ADCY2: variants seen among roughly 807,000 people sequenced by gnomAD.
ADCY2 encodes adenylate cyclase type 2.
A neutral mutation model predicts 125.2 loss-of-function variants in ADCY2; 31 were observed. The ratio of observed to expected loss-of-function variants is 0.25; its 90% CI spans 0.19 to 0.33. The LOEUF (loss-of-function observed/expected upper bound fraction) is 0.33, where lower values mean the gene tolerates loss of function less well. Among genes scored for constraint, ADCY2 ranks in the 10% least tolerant of loss-of-function variants. The probability of loss-of-function intolerance (pLI) is 1.00; values close to 1 mark genes in which losing one functional copy is unlikely to be tolerated. For missense variants in ADCY2, 904 were observed against 1,418.2 expected (o/e 0.64, Z 5.82); for synonymous variants, 512 against 548.4 (o/e 0.93, Z 0.93).
At chr5:7,739,997 G>T (rs1742363828) in intron 14 of ADCY2, among the ~76,000 whole-genome samples, 1 of 151,932 alleles carries the variant, frequency 6.6e-6, no homozygotes, top group African/African-American at 2.4e-5. Context: ...AAGATAGAAA[G>T]AATTGGTCAA....
intron 2 of ADCY2, among the ~76,000 whole-genome samples, chr5:7,518,259 C>A (rs918423624): frequency 5.3e-5 from 8 of 152,086 alleles, no homozygotes; most frequent in African/African-American, 1.7e-4. Context: ...GATTTTGGGG[C>A]TAGAACTCAT....
chr5:7,647,526 A>C (rs1738942439), intron 4 of ADCY2, among the ~76,000 whole-genome samples: 1 of 152,126 alleles, frequency 6.6e-6, no homozygotes, highest in Non-Finnish European at 1.5e-5. Context: ...ATGGTTTTGC[A>C]CCAAAATTCA....
intron 3 of ADCY2, among the ~76,000 whole-genome samples, chr5:7,541,900 T>G (rs746275643): frequency 6.6e-6 from 1 of 152,248 alleles, no homozygotes; most frequent in East Asian, 1.9e-4. Flanking sequence ...ATGTTGTTAC[T>G]ATGAAATGCA....
intron 10 of ADCY2, 81 bp from the exon 11 acceptor site, chr5:7,712,775 A>T (rs1290203125): frequency 2.1e-6 from 2 of 970,762 alleles, no homozygotes; most frequent in Non-Finnish European, 3.3e-6. Context: ...ATAAAAGAGG[A>T]AATATGTTTC....
Position 7,826,845 on chromosome 5 carries a change from C to G in ADCY2, c.3250C>G (p.Leu1084Val). Residue 1084 changes from leucine to valine, a missense_variant, in exon 25 of 25, where the codon CTT (leucine) becomes GTT (valine). Leu to Val is a conservative substitution (Grantham distance 32, BLOSUM62 1). Around this residue, in one of 7 missense-constraint regions of ADCY2, gnomAD observed 181 missense variants for 381.6 expected, o/e 0.47. Transcript: ENST00000338316. ...YFVNTEMSRS[L>V]SQSNVAS ...TGTAAACACAGAAATGTCAAGGTCC[C>G]TTTCCCAGAGCAACGTGGCATCCTG... 6.2e-7 allele frequency: 1 copy of G among 1,611,458 alleles called. No individual in the cohort carries two copies. Among genetic ancestry groups the G allele is most frequent in the South Asian group, 1.1e-5 (1 of 90,324 alleles).
intron 3 of ADCY2, among the ~76,000 whole-genome samples, chr5:7,565,426 A>T (rs1007265195): frequency 1.3e-5 from 2 of 152,210 alleles, no homozygotes; most frequent in African/African-American, 2.4e-5. Context: ...ACCCTTGGTT[A>T]TAATAATTTT....
At chr5:7,614,306 G>T (rs1180692788) in intron 3 of ADCY2, among the ~76,000 whole-genome samples, 2 of 152,128 alleles carry the variant, frequency 1.3e-5, no homozygotes, top group African/African-American at 4.8e-5. Context: ...TATCCCCTCT[G>T]AGTGGCCCAT....
In ADCY2 at chr5:7,423,144, T is replaced by A. The variant is rs1740272733; in HGVS notation, c.408+8374T>A. 2.6e-5 allele frequency among the ~76,000 whole-genome samples: 4 copies of A among 152,086 alleles called. No individual in the cohort carries two copies. In the South Asian group the frequency reaches 8.3e-4, roughly 32 times the overall value. ...CATTAACAATAAAGAGGAGGATATG[T>A]TTTTGTTGTTTAATAACCACACCTA... On this transcript the variant is annotated intron_variant, in intron 2 of 24. Transcript: ENST00000338316.
intron 15 of ADCY2, chr5:7,746,116 C>T (rs1222344863): frequency 6.6e-6 from 1 of 152,486 alleles, no homozygotes; most frequent in Non-Finnish European, 1.5e-5. Context: ...AGGACCCTGG[C>T]CTCCACAGGC....
At chr5:7,656,157 C>T (rs565023746) in intron 4 of ADCY2, among the ~76,000 whole-genome samples, 3 of 150,960 alleles carry the variant, frequency 2.0e-5, no homozygotes, top group South Asian at 2.1e-4. Flanking sequence ...CGGGTTCAAG[C>T]GATTATCCTG....
Position 7,683,955 on chromosome 5 carries a change from C to T in ADCY2, c.721-6736C>T, listed in dbSNP as rs143098283. ...AGAAATCCAAAGGCTGGCGCCACCA[C>T]CTGGCTGGCCTTCTGTACCTTATGT... is the stretch of plus-strand genomic sequence containing the variant. On this transcript the variant is annotated intron_variant, in intron 4 of 24. Transcript: ENST00000338316. Among the ~76,000 whole-genome samples the T allele has an allele frequency of 1.1e-4, 16 of 152,352 alleles. No individual in the cohort carries two copies. In the East Asian group the frequency reaches 2.5e-3, roughly 24 times the overall value.
At chr5:7,570,380 C>CT (rs1375014024) in intron 3 of ADCY2, among the ~76,000 whole-genome samples, 1 of 151,954 alleles carries the variant, frequency 6.6e-6, no homozygotes, top group East Asian at 1.9e-4. Flanking sequence ...GTTTAAAAAC[C>CT]TTTTTTTCTT....
intron 2 of ADCY2, among the ~76,000 whole-genome samples, chr5:7,486,820 A>C (rs1048467820): frequency 4.6e-5 from 7 of 152,214 alleles, no homozygotes; most frequent in Admixed American, 2.0e-4. Context: ...ATGTGAGCTA[A>C]AATTGAGACA....
intron 13 of ADCY2, among the ~76,000 whole-genome samples, chr5:7,726,736 A>G (rs1242181240): frequency 1.3e-5 from 2 of 152,186 alleles, no homozygotes; most frequent in East Asian, 3.9e-4. Context: ...ATAAATGAAT[A>G]TGTCTTGCAT....
intron 20 of ADCY2, chr5:7,801,375 G>A (rs1744589095): frequency 6.6e-6 from 1 of 152,186 alleles, no homozygotes; most frequent in Non-Finnish European, 1.5e-5. Context: ...CTTTCCTGGA[G>A]AAGAAAGCAT....
At chr5:7,789,881 G>T (rs1453738172) in intron 20 of ADCY2, 81 bp downstream of exon 20, 2 of 1,161,560 alleles carry the variant, frequency 1.7e-6, no homozygotes, top group African/African-American at 3.1e-5. Flanking sequence ...CTTCTTCAGT[G>T]ACATAAAGGC....
At chr5:7,591,388 TGAACAG>T (rs1476091816) in intron 3 of ADCY2, among the ~76,000 whole-genome samples, 1 of 152,176 alleles carries the variant, frequency 6.6e-6, no homozygotes, top group Non-Finnish European at 1.5e-5. Flanking sequence ...ATTCTGCACA[TGAACAG>T]GACAGGTGAT....
rs1741281498 is a variant in ADCY2 at position 7,706,817 on chromosome 5, G to A, written c.1183G>A (p.Val395Met). 1 of 1,614,210 alleles carries A rather than the reference G, an allele frequency of 6.2e-7. No homozygotes were observed. ...GCATTCTGGGAATGTCCTGTGTGGCGTGATTGGTCTGCAGAAGTGGCAATA... is the reference window on the plus strand; with the variant it reads ...GCATTCTGGGAATGTCCTGTGTGGCATGATTGGTCTGCAGAAGTGGCAATA... ...GVHSGNVLCG[V>M]IGLQKWQYDV... Residue 395 changes from valine to methionine, a missense_variant, in exon 8 of 25, where the codon GTG becomes ATG. Val to Met is a conservative substitution (Grantham distance 21, BLOSUM62 1). Transcript: ENST00000338316.
chr5:7,666,937 C>T (rs1243943262), intron 4 of ADCY2, among the ~76,000 whole-genome samples: 1 of 152,146 alleles, frequency 6.6e-6, no homozygotes, highest in Non-Finnish European at 1.5e-5. Flanking sequence ...AGCTTCATGC[C>T]CCAGTTCCTC....
Sources: allele counts gnomAD v4.1 joint callset (sites outside exome capture counted in the v4.1 genomes callset), GRCh38; gene constraint gnomAD v4.1.1; regional missense constraint gnomAD v4.1.1; transcripts MANE v1.5; gene names NCBI Gene and HGNC (gene_info 2026-07-23, HGNC 2026-07-21).